The following MAPK10 variants were observed in gnomAD, a reference collection of about 807,000 sequenced individuals.
MAPK10 encodes mitogen-activated protein kinase 10.
A neutral mutation model predicts 59.3 loss-of-function variants in MAPK10; 25 were observed. The observed-to-expected ratio is 0.42, with a 90% confidence interval of 0.31 to 0.59. The LOEUF is 0.59. MAPK10 is among the 20% of genes least tolerant of loss of function. MAPK10 has a pLI of 0.15. For missense variants in MAPK10, 351 were observed against 568.9 expected, an observed-to-expected ratio of 0.62 and a Z score of 3.90; for synonymous variants, 190 against 200.5, an observed-to-expected ratio of 0.95 and a Z score of 0.44.
intron 1 of MAPK10, among the ~76,000 whole-genome samples, chr4:86,467,138 C>T (rs1752270648): frequency 1.3e-5 from 2 of 152,204 alleles, no homozygotes; most frequent in Non-Finnish European, 2.9e-5. Flanking sequence ...ATGATGGCTA[C>T]ATTCAAATTG....
intron 3 of MAPK10, among the ~76,000 whole-genome samples, chr4:86,178,708 A>G (rs1165721027): frequency 6.6e-6 from 1 of 152,176 alleles, no homozygotes; most frequent in Non-Finnish European, 1.5e-5. Context: ...GAAATAAGTA[A>G]AGGGCATCCA....
chr4:86,123,159 C>G (rs914000755), intron 4 of MAPK10, among the ~76,000 whole-genome samples: 1 of 152,060 alleles, frequency 6.6e-6, no homozygotes, highest in African/African-American at 2.4e-5. Flanking sequence ...TTTGTCTTTC[C>G]GTGTCTGGTT....
intron 4 of MAPK10, among the ~76,000 whole-genome samples, chr4:86,129,107 C>T (rs2060568209): frequency 6.6e-6 from 1 of 152,054 alleles, no homozygotes; most frequent in Non-Finnish European, 1.5e-5. Context: ...ATGTTAATAA[C>T]TAGAAGTTAG....
intron 1 of MAPK10, among the ~76,000 whole-genome samples, chr4:86,488,567 C>T (rs993693340): frequency 6.6e-5 from 10 of 152,146 alleles, no homozygotes; most frequent in Non-Finnish European, 1.2e-4. Context: ...CCTCTAATCA[C>T]CCACACTCCT....
intron 2 of MAPK10, among the ~76,000 whole-genome samples, chr4:86,228,140 A>C (rs1472534050): frequency 6.6e-6 from 1 of 152,164 alleles, no homozygotes; most frequent in Non-Finnish European, 1.5e-5. Context: ...GGCTATAGGA[A>C]CTGTCCCTAG....
chr4:86,250,825 G>A (rs2093373498), intron 2 of MAPK10, among the ~76,000 whole-genome samples: 1 of 152,286 alleles, frequency 6.6e-6, no homozygotes, highest in South Asian at 2.1e-4. Flanking sequence ...CAGTGGTCAT[G>A]AGCTACAACA....
At chr4:86,041,456 T>C (rs2041507190) in intron 11 of MAPK10, among the ~76,000 whole-genome samples, 1 of 151,902 alleles carries the variant, frequency 6.6e-6, no homozygotes, top group Non-Finnish European at 1.5e-5. Context: ...CAAAAGCAAT[T>C]GCAACAAAAG....
At chr4:86,271,746 G>A (rs1266490258) in intron 2 of MAPK10, among the ~76,000 whole-genome samples, 1 of 151,960 alleles carries the variant, frequency 6.6e-6, no homozygotes, top group Non-Finnish European at 1.5e-5. Context: ...GCAAAGAGAA[G>A]TTCCAAGCAA....
chr4:86,474,942 G>T (rs1252610771), intron 1 of MAPK10, among the ~76,000 whole-genome samples: 1 of 152,172 alleles, frequency 6.6e-6, no homozygotes, highest in East Asian at 1.9e-4. Flanking sequence ...GCCGGTCCTT[G>T]CCTTAAATGA....
chr4:86,100,972 G>A, intron 8 of MAPK10, 80 bp downstream of exon 8: 2 of 1,275,782 alleles, frequency 1.6e-6, no homozygotes, highest in South Asian at 1.4e-5. Context: ...GTACATAAAA[G>A]AGAACATTCC....
chr4:86,217,902 A>G (rs1245251081), intron 2 of MAPK10, among the ~76,000 whole-genome samples: 1 of 152,104 alleles, frequency 6.6e-6, no homozygotes, highest in Non-Finnish European at 1.5e-5. Flanking sequence ...AAAAATAGCA[A>G]TGGAATGTTG....
chr4:86,544,352 T>G (rs767797043), intron 1 of MAPK10, among the ~76,000 whole-genome samples: 1 of 152,220 alleles, frequency 6.6e-6, no homozygotes, highest in Non-Finnish European at 1.5e-5. Context: ...AAAACTTTTT[T>G]GGGGGAATAA....
At chr4:86,268,095 G>A (rs2094315765) in intron 2 of MAPK10, 1 of 152,118 alleles carries the variant, frequency 6.6e-6, no homozygotes, top group Non-Finnish European at 1.5e-5. Context: ...ATGGACATGT[G>A]TGTACATACA....
intron 2 of MAPK10, among the ~76,000 whole-genome samples, chr4:86,267,690 A>C (rs780827833): frequency 2.0e-5 from 3 of 151,826 alleles, no homozygotes; most frequent in Non-Finnish European, 2.9e-5. Context: ...CTTGCTTTTC[A>C]CTCTGACTGG....
At chr4:86,210,189 G>A (rs2085385229) in intron 2 of MAPK10, among the ~76,000 whole-genome samples, 1 of 151,848 alleles carries the variant, frequency 6.6e-6, no homozygotes, top group African/African-American at 2.4e-5. Context: ...GAAAATTTTG[G>A]GGAAACTCTC....
In MAPK10 at chr4:86,473,599, T is replaced by C. The variant is rs1449954404; in HGVS notation, c.-262-118955A>G. Among the ~76,000 whole-genome samples the C allele has an allele frequency of 3.3e-5, 5 of 152,328 alleles. No homozygotes were observed. The South Asian group carries it at 1.0e-3, about 32-fold the overall frequency. Reference sequence around the variant, plus strand: ...GAGGCCCAAACACTGTGACTCCCTATTCCAGCAAATTCACCAACTCATGTG... The same window carrying C: ...GAGGCCCAAACACTGTGACTCCCTACTCCAGCAAATTCACCAACTCATGTG... On this transcript the variant is annotated intron_variant, in intron 1 of 4. Coordinates refer to the MAPK10 transcript ENST00000502302.
At position 86,017,172 on chromosome 4, in the gene MAPK10, T is replaced by C; in HGVS notation, c.*56A>G. Reference sequence around the variant, plus strand: ...GTGTGTGTGTGTGTCTGCGTGTGTGTGTGTTCCATCACATCATCTCCTGAA... The same window carrying C: ...GTGTGTGTGTGTGTCTGCGTGTGTGCGTGTTCCATCACATCATCTCCTGAA... On this transcript the variant is annotated 3_prime_UTR_variant, in exon 14 of 14. Coordinates refer to ENST00000641462, the MANE Select transcript of MAPK10 (RefSeq NM_138982.4). The surrounding 1 kb of genome is among the most constrained non-coding windows in gnomAD (Gnocchi z 4.4). 1 of 1,584,522 alleles carries C rather than the reference T, an allele frequency of 6.3e-7. No individual in the cohort carries two copies. Among genetic ancestry groups the C allele is most frequent in the Non-Finnish European group, 8.6e-7 (1 of 1,161,128 alleles).
chr4:86,429,867 A>G (rs938911760), intron 1 of MAPK10: 4 of 151,782 alleles, frequency 2.6e-5, no homozygotes, highest in Admixed American at 6.6e-5. Flanking sequence ...TGATACTCAC[A>G]TATGTGTTTT....
chr4:86,059,204 G>C (rs1408074152), intron 11 of MAPK10, among the ~76,000 whole-genome samples: 2 of 152,154 alleles, frequency 1.3e-5, no homozygotes, highest in Non-Finnish European at 2.9e-5. Flanking sequence ...TATAATGGCA[G>C]ACAAGAAGAT....
Sources: allele counts gnomAD v4.1 joint callset (sites outside exome capture counted in the v4.1 genomes callset), GRCh38; gene constraint gnomAD v4.1.1; non-coding constraint Gnocchi (gnomAD v3.1); transcripts MANE v1.5; gene names NCBI Gene and HGNC (gene_info 2026-07-23, HGNC 2026-07-21).